Variants in ZNF710 observed in about 807,000 individuals in gnomAD.
ZNF710 encodes the protein zinc finger protein 710.
A neutral mutation model predicts 50.6 loss-of-function variants in ZNF710; 13 were observed. The ratio of observed to expected loss-of-function variants is 0.26; its 90% CI spans 0.17 to 0.41. The LOEUF (loss-of-function observed/expected upper bound fraction) is 0.41. Ranked by LOEUF, ZNF710 falls within the 10% of genes least tolerant of loss-of-function variation. ZNF710 has a pLI of 1.00. For synonymous variants in ZNF710, 383 were observed against 397.0 expected (o/e 0.96, Z 0.42); for missense variants, 721 against 936.6 (o/e 0.77, Z 3.01).
In ZNF710 at chr15:90,032,079, C is replaced by T. The variant is rs7180164; in HGVS notation, c.-29+30465C>T. ...TGGCGCGATCTCAGCTCACTGCAAC[C>T]TCTGGCTCCCAGGTTCAAGCAATTC... On this transcript the variant is annotated intron_variant, in intron 1 of 4. Transcript: ENST00000268154. Among the ~76,000 whole-genome samples the T allele has an allele frequency of 2.9e-3, 443 of 152,340 alleles. 1 individual carries two copies. Among genetic ancestry groups the T allele is most frequent in the African/African-American group, 0.01 (420 of 41,572 alleles).
chr15:90,011,562 T>C (rs1898305862), intron 1 of ZNF710, among the ~76,000 whole-genome samples: 1 of 152,230 alleles, frequency 6.6e-6, no homozygotes, highest in Non-Finnish European at 1.5e-5. Context: ...TCCCACAAAT[T>C]GGACTCTAAT....
chr15:90,052,320 G>T (rs1899671154), intron 1 of ZNF710, among the ~76,000 whole-genome samples: 2 of 152,132 alleles, frequency 1.3e-5, no homozygotes, highest in South Asian at 4.1e-4. Context: ...ACTTTGAGAT[G>T]CTGGGGCCAC....
intron 1 of ZNF710, among the ~76,000 whole-genome samples, chr15:90,061,672 T>A (rs1900012348): frequency 6.6e-6 from 1 of 152,072 alleles, no homozygotes; most frequent in Non-Finnish European, 1.5e-5. Context: ...CCTCCTCTGC[T>A]CCTAGAGTGA....
chr15:90,079,962 C>A lies in ZNF710; in HGVS notation c.*133C>A. 1.2e-6 allele frequency: 1 copy of A among 851,192 alleles called. No individual in the cohort carries two copies. Among genetic ancestry groups the A allele is most frequent in the Non-Finnish European group, 1.7e-6 (1 of 586,348 alleles). 52.7% of individuals were successfully genotyped at this position (851,192 alleles called of 1,614,324 possible). On this transcript the variant is annotated 3_prime_UTR_variant, in exon 5 of 5. Transcript: ENST00000268154. ...TGTTCTGAGCCCTCCCTCCCCGAGT[C>A]ATTTGCACCACTAGGGACCTTTAGA...
intron 1 of ZNF710, among the ~76,000 whole-genome samples, chr15:90,022,332 C>T (rs375631933): frequency 3.3e-5 from 5 of 151,788 alleles, no homozygotes; most frequent in African/African-American, 7.3e-5. Context: ...GCCGAGATTG[C>T]GCCACTGCAC....
rs555597738 is a variant in ZNF710 at position 90,051,372 on chromosome 15, G to A, written c.-28-15738G>A. Among the ~76,000 whole-genome samples, 297 of 152,150 alleles carry A rather than the reference G, an allele frequency of 2.0e-3. 3 individuals carry two copies. Among genetic ancestry groups the A allele is most frequent in the Admixed American group, 8.0e-3 (123 of 15,286 alleles). On this transcript the variant is annotated intron_variant, in intron 1 of 4. Transcript: ENST00000268154. ...AGGCAGACTAGGCGCAGTGGTTCAC[G>A]CCTGCAATCCCAGCACTTTGGGAGG...
chr15:90,050,976 C>T (rs1018993677), intron 1 of ZNF710, among the ~76,000 whole-genome samples: 2 of 152,154 alleles, frequency 1.3e-5, no homozygotes, highest in African/African-American at 2.4e-5. Context: ...CCGTGGCTCA[C>T]GCCTGTAATC....
chr15:90,075,476 C>G (rs895546039), intron 4 of ZNF710: 2 of 152,172 alleles, frequency 1.3e-5, no homozygotes, highest in Admixed American at 6.6e-5. Context: ...GAACTGTGAT[C>G]GGACCACGGC....
intron 1 of ZNF710, among the ~76,000 whole-genome samples, chr15:90,016,038 G>A (rs778256285): frequency 6.6e-5 from 10 of 152,282 alleles, no homozygotes; most frequent in Middle Eastern, 3.4e-3. Context: ...CAGTAGCTCC[G>A]CAAGGATATC....
chr15:90,021,378 G>C (rs914454932), intron 1 of ZNF710, among the ~76,000 whole-genome samples: 1 of 152,138 alleles, frequency 6.6e-6, no homozygotes, highest in African/African-American at 2.4e-5. Flanking sequence ...CCAAGCCTTG[G>C]TTTCACAGCC....
chr15:89,998,611 G>A (rs1053099497), upstream of ZNF710, among the ~76,000 whole-genome samples: 8 of 152,232 alleles, frequency 5.3e-5, no homozygotes, highest in South Asian at 8.3e-4. Flanking sequence ...CCAGGTCATC[G>A]GGGCACTACC....
At chr15:90,037,559 GGTGGTAC>G (rs1899166935) in intron 1 of ZNF710, among the ~76,000 whole-genome samples, 1 of 152,200 alleles carries the variant, frequency 6.6e-6, no homozygotes, top group Admixed American at 6.5e-5. Context: ...TACCACCACT[GGTGGTAC>G]TCAGAGCTTG....
At chr15:90,038,881 C>G (rs1051014093) in intron 1 of ZNF710, among the ~76,000 whole-genome samples, 1 of 152,208 alleles carries the variant, frequency 6.6e-6, no homozygotes, top group Non-Finnish European at 1.5e-5. Context: ...AGTCCTAAGG[C>G]AGAGAGGCTA....
upstream of ZNF710, among the ~76,000 whole-genome samples, chr15:89,999,893 A>T (rs1897974550): frequency 6.6e-6 from 1 of 151,912 alleles, no homozygotes; most frequent in Non-Finnish European, 1.5e-5. Flanking sequence ...GGGTGGAGCC[A>T]AGGAGATGCA....
intron 1 of ZNF710, chr15:90,025,647 C>T (rs554517037): frequency 2.0e-5 from 3 of 152,296 alleles, no homozygotes; most frequent in African/African-American, 7.2e-5. Flanking sequence ...TTTAAAAAAG[C>T]ACATGGGCTT....
chr15:90,053,240 C>T (rs1899700662), intron 1 of ZNF710, among the ~76,000 whole-genome samples: 2 of 152,274 alleles, frequency 1.3e-5, no homozygotes, highest in African/African-American at 4.8e-5. Context: ...TGCTGGGTGC[C>T]TCAGCCTGGG....
intron 1 of ZNF710, among the ~76,000 whole-genome samples, chr15:90,011,026 G>A (rs1043802420): frequency 6.7e-6 from 1 of 148,930 alleles, no homozygotes; most frequent in East Asian, 2.0e-4. Flanking sequence ...TGCCTCCTGG[G>A]TTCAAGTAAT....
chr15:90,071,179 T>G (rs1900368164), intron 2 of ZNF710, among the ~76,000 whole-genome samples: 1 of 151,742 alleles, frequency 6.6e-6, no homozygotes, highest in African/African-American at 2.4e-5. Flanking sequence ...GAGAATTGCT[T>G]GAACCCGGGA....
intron 2 of ZNF710, 93 bp from the exon 3 acceptor site, chr15:90,072,978 C>A: frequency 1.5e-6 from 2 of 1,326,884 alleles, no homozygotes; most frequent in Non-Finnish European, 2.1e-6. Flanking sequence ...CTTTGTGATG[C>A]TATGGCCCTG....
Sources: allele counts gnomAD v4.1 joint callset (sites outside exome capture counted in the v4.1 genomes callset), GRCh38; gene constraint gnomAD v4.1.1; transcripts MANE v1.5; gene names NCBI Gene and HGNC (gene_info 2026-07-23, HGNC 2026-07-21).